Variants in NDST4 observed in about 807,000 individuals in gnomAD.
The protein encoded by NDST4 is N-deacetylase and N-sulfotransferase 4.
Under a neutral mutation model 100.8 loss-of-function variants are expected in NDST4, and 63 were observed. That is an observed-to-expected ratio of 0.62 (90% confidence interval 0.51 to 0.77). The LOEUF (loss-of-function observed/expected upper bound fraction) is 0.77. NDST4 is among the 30% of genes least tolerant of loss of function. The probability of loss-of-function intolerance (pLI) is 0.00; values close to 1 mark genes in which losing one functional copy is unlikely to be tolerated. For missense variants in NDST4, 943 were observed against 1,018.4 expected (o/e 0.93, Z 1.01); for synonymous variants, 377 against 361.8 (o/e 1.04, Z -0.48).
intron 2 of NDST4, among the ~76,000 whole-genome samples, chr4:115,058,790 T>G (rs1728754412): frequency 6.6e-6 from 1 of 152,060 alleles, no homozygotes; most frequent in East Asian, 1.9e-4. Context: ...CAAAGTGAAA[T>G]TGTACTCCAC....
At position 114,829,982 on chromosome 4, in the gene NDST4, G is replaced by A. The variant is rs1406943075; in HGVS notation, c.2397-90C>T. On this transcript the variant is annotated intron_variant, in intron 12 of 13. Transcript: ENST00000264363. ...AATTGAATAAAGGAAATGTATTTTT[G>A]TATGCCCACTGATTTAATTTAATTC... is the stretch of plus-strand genomic sequence containing the variant. 4 of 843,546 alleles carry A rather than the reference G, an allele frequency of 4.7e-6. No individual in the cohort carries two copies. The East Asian group carries it at 1.0e-4, about 22-fold the overall frequency. The allele number at this position is 843,546 out of a possible 1,614,324, so 52.3% of individuals were successfully genotyped here. A position where few individuals can be genotyped will look rare whatever the true frequency, so the allele number is the denominator to read the frequency against.
intron 1 of NDST4, among the ~76,000 whole-genome samples, chr4:115,101,719 G>T (rs1729733807): frequency 6.6e-6 from 1 of 152,042 alleles, no homozygotes. Flanking sequence ...AAAACAAAGT[G>T]GTGGTGAAGA....
chr4:115,087,834 T>C (rs1204459230), intron 1 of NDST4, among the ~76,000 whole-genome samples: 2 of 151,886 alleles, frequency 1.3e-5, no homozygotes, highest in South Asian at 2.1e-4. Flanking sequence ...ACTCAACTGC[T>C]TTTTTTCTTA....
In NDST4 at chr4:115,099,475, AC is replaced by A. The variant is rs566895345; in HGVS notation, c.-247+13968del. ...ACTCTTAAAATTCCATAGTAGAAAA[AC>A]AACCCAATTCAAAAATGGGAAATAA... is the stretch of plus-strand genomic sequence containing the variant. On this transcript the variant is annotated intron_variant, in intron 1 of 13. Transcript: ENST00000264363. Among the ~76,000 whole-genome samples, 312 of 152,308 alleles carry A rather than the reference AC, an allele frequency of 2.0e-3. 2 individuals carry two copies. Among genetic ancestry groups the A allele is most frequent in the South Asian group, 7.0e-3 (34 of 4,832 alleles).
intron 2 of NDST4, among the ~76,000 whole-genome samples, chr4:115,033,531 GATCT>G (rs1728168578): frequency 6.6e-6 from 1 of 151,504 alleles, no homozygotes; most frequent in Non-Finnish European, 1.5e-5. Context: ...TTAACTTTTT[GATCT>G]ATCTATAATT....
chr4:114,886,454 C>T (rs1002228261), intron 6 of NDST4, among the ~76,000 whole-genome samples: 10 of 151,992 alleles, frequency 6.6e-5, no homozygotes, highest in Non-Finnish European at 1.0e-4. Context: ...GTTTATTGTT[C>T]ATCTGCAAGT....
chr4:114,906,123 A>C (rs567135670), intron 6 of NDST4, among the ~76,000 whole-genome samples: 1 of 152,130 alleles, frequency 6.6e-6, no homozygotes, highest in East Asian at 1.9e-4. Context: ...TTAACTATAA[A>C]ATACGAAGCT....
rs535837226 is a variant in NDST4 at position 114,959,184 on chromosome 4, C to G, written c.1221+11246G>C. ...TTTTGGTCAAAGCCATTCAACAAGTCTCTAGGAAGTTTCAAAATTTCCAAC... is the reference window on the plus strand; with the variant it reads ...TTTTGGTCAAAGCCATTCAACAAGTGTCTAGGAAGTTTCAAAATTTCCAAC... On this transcript the variant is annotated intron_variant, in intron 4 of 13. Transcript: ENST00000264363. 5.7e-3 allele frequency among the ~76,000 whole-genome samples: 865 copies of G among 152,312 alleles called. 3 individuals carry two copies. Among genetic ancestry groups the G allele is most frequent in the Middle Eastern group, 0.024 (7 of 294 alleles).
At chr4:115,015,504 G>C (rs1020914221) in intron 2 of NDST4, among the ~76,000 whole-genome samples, 4 of 152,022 alleles carry the variant, frequency 2.6e-5, no homozygotes, top group Non-Finnish European at 5.9e-5. Context: ...GTGTTTGTTT[G>C]GATGGTCAGG....
At chr4:114,925,534 G>C (rs375887799) in intron 6 of NDST4, among the ~76,000 whole-genome samples, 1 of 152,036 alleles carries the variant, frequency 6.6e-6, no homozygotes, top group Admixed American at 6.6e-5. Context: ...TGATATACAC[G>C]GAGAAGGAAA....
At chr4:114,946,932 G>T (rs764853402) in intron 4 of NDST4, among the ~76,000 whole-genome samples, 2 of 151,784 alleles carry the variant, frequency 1.3e-5, no homozygotes, top group Non-Finnish European at 2.9e-5. Context: ...GTATTGAAGT[G>T]GAAGTTGTAA....
intron 1 of NDST4, among the ~76,000 whole-genome samples, chr4:115,099,313 C>T (rs949439435): frequency 2.0e-5 from 3 of 151,740 alleles, no homozygotes; most frequent in South Asian, 2.1e-4. Flanking sequence ...AGAATTGATA[C>T]GTTTAACATT....
In NDST4 at chr4:114,969,229, G is replaced by A. The variant is rs1343174121; in HGVS notation, c.1221+1201C>T. On this transcript the variant is annotated intron_variant, in intron 4 of 13. Transcript: ENST00000264363. ...CTTGGGAGGCTGAGGCAGGAGAATG[G>A]CGTGAACCCGGGAGGCGGAGCTTGC... Among the ~76,000 whole-genome samples the A allele has an allele frequency of 5.3e-5, 8 of 150,012 alleles. No homozygotes were observed. In the South Asian group the frequency reaches 8.4e-4, roughly 16 times the overall value.
intron 2 of NDST4, among the ~76,000 whole-genome samples, chr4:115,018,149 T>C (rs1043380648): frequency 1.3e-5 from 2 of 151,896 alleles, no homozygotes; most frequent in Non-Finnish European, 2.9e-5. Context: ...TTTATAATTA[T>C]AAATGAAATG....
intron 2 of NDST4, among the ~76,000 whole-genome samples, chr4:115,037,338 A>C (rs1329260968): frequency 6.6e-6 from 1 of 152,088 alleles, no homozygotes; most frequent in Non-Finnish European, 1.5e-5. Context: ...TTTTAGTTGG[A>C]CAGAAGATTG....
chr4:114,977,364 A>G, intron 2 of NDST4, 90 bp from the exon 3 acceptor site: 1 of 751,082 alleles, frequency 1.3e-6, no homozygotes, highest in Non-Finnish European at 2.2e-6. Flanking sequence ...CATGAGTAAA[A>G]CAAAATGATA....
Position 115,076,266 on chromosome 4 carries a change from A to G in NDST4, c.771T>C (p.Ile257=), listed in dbSNP as rs1252987372. 1 of 1,613,998 alleles carries G rather than the reference A, an allele frequency of 6.2e-7. No homozygotes were observed. The highest frequency in any genetic ancestry group is 2.2e-5 in the East Asian group (1 of 44,820). The change falls in exon 2 of 14, where the codon ATT becomes ATC. Residue 257 remains isoleucine, a synonymous_variant. Transcript: ENST00000264363. The part of the protein sequence containing the change: ...LSSKTLFATV[I]QDLGLHDGIQ... The stretch of plus-strand genomic sequence containing the variant: ...TTCCATCATGAAGCCCCAGATCCTG[A>G]ATCACCGTTGCAAAGAGTGTTTTGC...
intron 6 of NDST4, among the ~76,000 whole-genome samples, chr4:114,880,044 A>G (rs1314528298): frequency 2.6e-5 from 4 of 152,148 alleles, no homozygotes; most frequent in South Asian, 2.1e-4. Context: ...ACCTTCCTCA[A>G]TAGAGAAGTT....
At chr4:114,969,514 T>C (rs1726461698) in intron 4 of NDST4, among the ~76,000 whole-genome samples, 1 of 152,132 alleles carries the variant, frequency 6.6e-6, no homozygotes, top group South Asian at 2.1e-4. Flanking sequence ...CCCTTCTTTG[T>C]GTCCATGTGT....
Sources: allele counts gnomAD v4.1 joint callset (sites outside exome capture counted in the v4.1 genomes callset), GRCh38; gene constraint gnomAD v4.1.1; transcripts MANE v1.5; gene names NCBI Gene and HGNC (gene_info 2026-07-23, HGNC 2026-07-21).